The following NEK7 variants were observed in gnomAD, a reference collection of about 807,000 sequenced individuals.
The protein encoded by NEK7 is serine/threonine-protein kinase Nek7.
Under a neutral mutation model 44.6 loss-of-function variants are expected in NEK7, and 18 were observed. The observed-to-expected ratio is 0.40, with a 90% CI of 0.28 to 0.60. The LOEUF is 0.60. NEK7 is among the 20% of genes least tolerant of loss of function. NEK7 has a pLI of 0.38. For synonymous variants in NEK7, 130 were observed against 121.1 expected, an observed-to-expected ratio of 1.07 and a Z score of -0.48; for missense variants, 256 against 366.5, an observed-to-expected ratio of 0.70 and a Z score of 2.46.
At position 198,216,879 on chromosome 1, in the gene NEK7, T is replaced by C. The variant is rs147809875; in HGVS notation, c.-28-15674T>C. Reference sequence around the variant, plus strand: ...CAATTTCCTCGAAAACGACAACCCTTCTAGATTGAATCAGGAAGAAATAGA... The same window carrying C: ...CAATTTCCTCGAAAACGACAACCCTCCTAGATTGAATCAGGAAGAAATAGA... On this transcript the variant is annotated intron_variant, in intron 1 of 9. Transcript: ENST00000367385. Among the ~76,000 whole-genome samples the C allele has an allele frequency of 2.2e-3, 328 of 151,856 alleles. 1 individual carries two copies. The highest frequency in any genetic ancestry group is 3.6e-3 in the Non-Finnish European group (246 of 67,804).
intron 8 of NEK7, among the ~76,000 whole-genome samples, chr1:198,293,983 A>G (rs1190497093): frequency 6.6e-6 from 1 of 151,988 alleles, no homozygotes; most frequent in Non-Finnish European, 1.5e-5. Flanking sequence ...AATGAAATAT[A>G]TGATGAAATC....
chr1:198,216,241 C>T (rs939032902), intron 1 of NEK7, among the ~76,000 whole-genome samples: 5 of 151,940 alleles, frequency 3.3e-5, no homozygotes, highest in African/African-American at 1.2e-4. Flanking sequence ...TATTCTCAGA[C>T]CACAGCAAAA....
chr1:198,223,097 G>A (rs1666116021), intron 1 of NEK7, among the ~76,000 whole-genome samples: 2 of 152,302 alleles, frequency 1.3e-5, no homozygotes, highest in South Asian at 2.1e-4. Context: ...GGAGAGGCAG[G>A]CAGGAGATTA....
intron 7 of NEK7, among the ~76,000 whole-genome samples, chr1:198,286,889 G>T (rs967859445): frequency 5.3e-5 from 8 of 152,094 alleles, no homozygotes; most frequent in African/African-American, 1.9e-4. Context: ...AAAGTTAGCA[G>T]TGGTGGAGAG....
Position 198,295,299 on chromosome 1 carries a change from C to T in NEK7, c.685-1828C>T, listed in dbSNP as rs979371127. 7.2e-5 allele frequency among the ~76,000 whole-genome samples: 11 copies of T among 152,228 alleles called. No individual in the cohort carries two copies. The East Asian group carries it at 1.7e-3, about 24-fold the overall frequency. On this transcript the variant is annotated intron_variant, in intron 8 of 9. Coordinates refer to ENST00000367385, the MANE Select transcript of NEK7 (RefSeq NM_133494.3). ...GTTCAAAAAAAAAGAGAGCTGCCAC[C>T]AGCCCCGAAGACAGACAGTGGGCTT...
chr1:198,320,184 AT>A lies in NEK7; in HGVS notation c.*664del, dbSNP rs1194415996. 6.6e-6 allele frequency: 1 copy of A among 152,140 alleles called. No individual in the cohort carries two copies. The highest frequency in any genetic ancestry group is 2.4e-5 in the African/African-American group (1 of 41,444). 9.4% of individuals were successfully genotyped at this position (152,140 alleles called of 1,614,324 possible). A position where few individuals can be genotyped will look rare whatever the true frequency, so the allele number is the denominator to read the frequency against. On this transcript the variant is annotated 3_prime_UTR_variant, in exon 10 of 10. Transcript: ENST00000367385. ...TTTGTTTTGTTTTAATATTTTTGAT[AT>A]TCTCTTTGCATTGAAATGGTATAAA...
chr1:198,242,141 C>G (rs147479919), intron 2 of NEK7, among the ~76,000 whole-genome samples: 17 of 151,990 alleles, frequency 1.1e-4, no homozygotes, highest in African/African-American at 3.9e-4. Flanking sequence ...AAATTATATT[C>G]TTATTACATC....
rs892880688 is a variant in NEK7 at position 198,157,058 on chromosome 1, G to T, written c.-247G>T. 6.6e-6 allele frequency: 1 copy of T among 152,026 alleles called. No individual in the cohort carries two copies. The highest frequency in any genetic ancestry group is 1.5e-5 in the Non-Finnish European group (1 of 67,984). 9.4% of individuals were successfully genotyped at this position (152,026 alleles called of 1,614,324 possible). On this transcript the variant is annotated 5_prime_UTR_variant, in exon 1 of 10. Transcript: ENST00000367385. ...GGGAGTCGCGGGAGGATGGGCCGCC[G>T]CTAGGCTCGCACTCCGGACGCGCCT...
intron 4 of NEK7, 61 bp from the exon 5 acceptor site, chr1:198,264,064 A>G (rs766163644): frequency 2.0e-4 from 297 of 1,508,456 alleles, no homozygotes; most frequent in Non-Finnish European, 2.3e-4. Context: ...GTACAAAACT[A>G]TAAGTGACTC....
chr1:198,173,357 A>C (rs1188338406), intron 1 of NEK7, among the ~76,000 whole-genome samples: 2 of 150,478 alleles, frequency 1.3e-5, no homozygotes, highest in Non-Finnish European at 3.0e-5. Flanking sequence ...TGAGCAAAGG[A>C]GTTTGAGGTT....
intron 1 of NEK7, among the ~76,000 whole-genome samples, chr1:198,177,709 G>A (rs535943575): frequency 1.3e-5 from 2 of 152,164 alleles, no homozygotes; most frequent in Non-Finnish European, 2.9e-5. Flanking sequence ...AGTGTTGGGG[G>A]AAAGGGAAGA....
At chr1:198,180,184 C>CT (rs879735266) in intron 1 of NEK7, among the ~76,000 whole-genome samples, 47 of 144,110 alleles carry the variant, frequency 3.3e-4, no homozygotes, top group South Asian at 1.1e-3. Context: ...CTACACCTCC[C>CT]TTTTTTTTTT....
Position 198,244,395 on chromosome 1 carries a change from G to A in NEK7, c.58-8645G>A, listed in dbSNP as rs183020916. The stretch of plus-strand genomic sequence containing the variant: ...TGAATTATCTTATTGCTCAGTAAGT[G>A]TCCTTGCCTTCAAATTTAAAGCAAA... On this transcript the variant is annotated intron_variant, in intron 2 of 9. Transcript: ENST00000367385. Among the ~76,000 whole-genome samples, 133 of 152,206 alleles carry A rather than the reference G, an allele frequency of 8.7e-4. 2 individuals are homozygous for A. The highest frequency in any genetic ancestry group is 1.1e-3 in the Non-Finnish European group (78 of 67,984).
chr1:198,257,945 CAATAAATCAAATAATTATAGCAAAA>C (rs1653329730), intron 3 of NEK7, among the ~76,000 whole-genome samples: 1 of 151,860 alleles, frequency 6.6e-6, no homozygotes, highest in Non-Finnish European at 1.5e-5. Context: ...GGAAAATAGA[CAATAAATCAAATAATTATAGCAAAA>C]AATAAATCAA....
At chr1:198,289,002 A>T (rs946676524) in intron 7 of NEK7, among the ~76,000 whole-genome samples, 4 of 152,154 alleles carry the variant, frequency 2.6e-5, no homozygotes, top group African/African-American at 9.7e-5. Flanking sequence ...GCCATTCTAT[A>T]TTGACCTCAG....
chr1:198,233,347 A>C (rs911112909), intron 2 of NEK7, among the ~76,000 whole-genome samples: 3 of 152,222 alleles, frequency 2.0e-5, no homozygotes, highest in Non-Finnish European at 2.9e-5. Flanking sequence ...TCCTGCATTC[A>C]GTATGAATAC....
chr1:198,171,573 A>G (rs949393782), intron 1 of NEK7, among the ~76,000 whole-genome samples: 2 of 151,930 alleles, frequency 1.3e-5, no homozygotes, highest in African/African-American at 4.8e-5. Context: ...CAGCTACTCC[A>G]GAGGCTGAGG....
chr1:198,319,339 A>T, intron 9 of NEK7, 73 bp from the exon 10 acceptor site: 3 of 911,322 alleles, frequency 3.3e-6, no homozygotes, highest in Non-Finnish European at 5.1e-6. Flanking sequence ...AGCTATTCAT[A>T]ATTTCTTCCT....
intron 5 of NEK7, among the ~76,000 whole-genome samples, chr1:198,274,237 A>G (rs1375909210): frequency 6.8e-6 from 1 of 148,090 alleles, no homozygotes; most frequent in African/African-American, 2.5e-5. Context: ...CACCTTGCAC[A>G]CCAGGATTGC....
Sources: gnomAD v4.1 joint callset for allele counts (sites outside exome capture counted in the v4.1 genomes callset) on GRCh38, gnomAD v4.1.1 for gene constraint, MANE v1.5 for transcripts, NCBI Gene and HGNC (gene_info 2026-07-23, HGNC 2026-07-21) for gene names.